Variants in RASSF6 observed in about 807,000 individuals in gnomAD.
RASSF6 encodes ras association domain-containing protein 6.
A neutral mutation model predicts 44.0 loss-of-function variants in RASSF6; 52 were observed. That is an observed-to-expected ratio of 1.18 (90% CI 0.95 to 1.49). RASSF6 has a LOEUF of 1.49. RASSF6 is among the 40% of genes most tolerant of loss of function. The pLI, the probability that RASSF6 is intolerant of heterozygous loss-of-function variation, is 0.00. For synonymous variants in RASSF6, 162 were observed against 124.6 expected (o/e 1.30, Z -2.00); for missense variants, 464 against 393.3 (o/e 1.18, Z -1.52).
intron 1 of RASSF6, chr4:73,616,077 C>T: frequency 4.1e-6 from 3 of 724,524 alleles, no homozygotes; most frequent in Non-Finnish European, 7.2e-6. Flanking sequence ...TTCACGAGTT[C>T]CTTCTCTGCA....
intron 8 of RASSF6, among the ~76,000 whole-genome samples, chr4:73,578,911 A>G (rs1723425287): frequency 1.3e-5 from 2 of 151,336 alleles, no homozygotes; most frequent in Admixed American, 1.3e-4. Context: ...CGTGCCTGAC[A>G]CCCCCCTTCT....
intron 2 of RASSF6, among the ~76,000 whole-genome samples, chr4:73,609,199 A>C (rs1361458566): frequency 6.6e-6 from 1 of 152,174 alleles, no homozygotes; most frequent in African/African-American, 2.4e-5. Flanking sequence ...CTTCTCCATT[A>C]ATTTTTTTTT....
chr4:73,616,126 C>G (rs772245739), intron 1 of RASSF6, among the ~76,000 whole-genome samples: 2 of 152,128 alleles, frequency 1.3e-5, no homozygotes, highest in Non-Finnish European at 2.9e-5. Context: ...TAGCCTGTAT[C>G]TATATCTATA....
At chr4:73,614,279 G>A (rs1578068678) in intron 1 of RASSF6, among the ~76,000 whole-genome samples, 1 of 152,196 alleles carries the variant, frequency 6.6e-6, no homozygotes, top group African/African-American at 2.4e-5. Context: ...GCCTCCCTCT[G>A]TTGTGGTCTG....
chr4:73,603,732 T>C (rs1378338876), intron 2 of RASSF6, among the ~76,000 whole-genome samples: 2 of 152,214 alleles, frequency 1.3e-5, no homozygotes, highest in African/African-American at 4.8e-5. Flanking sequence ...GAAGAAACTT[T>C]TTATTTAATT....
intron 5 of RASSF6, among the ~76,000 whole-genome samples, chr4:73,585,927 C>G (rs1039042220): frequency 2.0e-5 from 3 of 149,950 alleles, no homozygotes; most frequent in African/African-American, 7.3e-5. Flanking sequence ...TGGTGTGCTG[C>G]ACCCATTAAC....
chr4:73,572,404 T>A lies in RASSF6; in HGVS notation c.*3831A>T, dbSNP rs1722967920. The A allele has an allele frequency of 6.6e-6, 1 of 152,204 alleles. No homozygotes were observed. Among genetic ancestry groups the A allele is most frequent in the Non-Finnish European group, 1.5e-5 (1 of 68,038 alleles). 9.4% of individuals were successfully genotyped at this position (152,204 alleles called of 1,614,324 possible). On this transcript the variant is annotated 3_prime_UTR_variant, in exon 11 of 11. Coordinates refer to ENST00000307439, the MANE Select transcript of RASSF6 (RefSeq NM_177532.5). ...ATTGCTAAAAGAGTACATTTTTAAA[T>A]GTTCTCACCACAAAGAAATTATAAG...
At chr4:73,578,114 A>C (rs1723361278) in intron 8 of RASSF6, among the ~76,000 whole-genome samples, 1 of 152,212 alleles carries the variant, frequency 6.6e-6, no homozygotes, top group Non-Finnish European at 1.5e-5. Context: ...TTATAGGTGA[A>C]ATTATAAAGA....
intron 5 of RASSF6, among the ~76,000 whole-genome samples, chr4:73,586,891 G>A (rs940516630): frequency 6.7e-6 from 1 of 149,542 alleles, no homozygotes; most frequent in Non-Finnish European, 1.5e-5. Flanking sequence ...TAGCAGACGA[G>A]GCAGAATTGA....
intron 2 of RASSF6, among the ~76,000 whole-genome samples, chr4:73,610,611 T>A (rs1725941602): frequency 6.6e-6 from 1 of 152,190 alleles, no homozygotes; most frequent in South Asian, 2.1e-4. Context: ...GGAGTTGCCA[T>A]TCCCCTTGCC....
Position 73,572,074 on chromosome 4 carries a change from G to T in RASSF6, c.*4161C>A, listed in dbSNP as rs536421118. The T allele has an allele frequency of 2.0e-5, 3 of 152,258 alleles. No homozygotes were observed. In the East Asian group the frequency reaches 5.8e-4, roughly 29 times the overall value. The allele number at this position is 152,258 out of a possible 1,614,324, so 9.4% of individuals were successfully genotyped here. On this transcript the variant is annotated 3_prime_UTR_variant, in exon 11 of 11. Transcript: ENST00000307439. ...GTTTCCTTGGGTTTTCTGGCTGAAG[G>T]TCTCTCATGAAATTACGGTCAAGCT...
chr4:73,574,609 TATTA>T lies in RASSF6; in HGVS notation c.*1622_*1625del, dbSNP rs1175429797. The T allele has an allele frequency of 6.6e-6, 1 of 152,196 alleles. No individual in the cohort carries two copies. The highest frequency in any genetic ancestry group is 1.5e-5 in the Non-Finnish European group (1 of 68,032). 9.4% of individuals were successfully genotyped at this position (152,196 alleles called of 1,614,324 possible). A position where few individuals can be genotyped will look rare whatever the true frequency, so the allele number is the denominator to read the frequency against. ...TATTATTCTCCTATCATAGCTTAAT[TATTA>T]TTTATATTAAACTTTCCCTGTTTAA... is the stretch of plus-strand genomic sequence containing the variant. On this transcript the variant is annotated 3_prime_UTR_variant, in exon 11 of 11. Coordinates refer to ENST00000307439, the MANE Select transcript of RASSF6 (RefSeq NM_177532.5).
chr4:73,585,087 A>T, intron 6 of RASSF6, 93 bp downstream of exon 6: 1 of 843,774 alleles, frequency 1.2e-6, no homozygotes. Context: ...TGTTATTATT[A>T]TGACTTTAAA....
At chr4:73,592,327 G>A (rs1261984082) in intron 4 of RASSF6, among the ~76,000 whole-genome samples, 2 of 152,126 alleles carry the variant, frequency 1.3e-5, no homozygotes, top group Non-Finnish European at 2.9e-5. Context: ...AATTGTCCTG[G>A]CAGCTCTTTC....
At chr4:73,612,314 A>C (rs540695040) in intron 1 of RASSF6, among the ~76,000 whole-genome samples, 3 of 152,176 alleles carry the variant, frequency 2.0e-5, no homozygotes, top group Admixed American at 2.0e-4. Context: ...CCTCCTTTAT[A>C]TGTTCATATA....
At chr4:73,584,536 A>G (rs1420804798) in intron 6 of RASSF6, among the ~76,000 whole-genome samples, 1 of 152,206 alleles carries the variant, frequency 6.6e-6, no homozygotes, top group Non-Finnish European at 1.5e-5. Context: ...CTACACTTAT[A>G]TAAAAACGGT....
chr4:73,605,904 T>C (rs985161970), intron 2 of RASSF6, among the ~76,000 whole-genome samples: 2 of 152,226 alleles, frequency 1.3e-5, no homozygotes, highest in Admixed American at 6.5e-5. Context: ...TGTTGGCTGC[T>C]TGTATGTCTT....
chr4:73,581,305 G>A lies in RASSF6; in HGVS notation c.721+512C>T, dbSNP rs538143899. ...ATGCTCCTAGCATCCCACTTACAGC[G>A]CCTTCCCAATGTTCTGCTTCTAACC... On this transcript the variant is annotated intron_variant, in intron 8 of 10. Coordinates refer to ENST00000307439, the MANE Select transcript of RASSF6 (RefSeq NM_177532.5). 5.9e-5 allele frequency among the ~76,000 whole-genome samples: 9 copies of A among 152,038 alleles called. No homozygotes were observed. In the East Asian group the frequency reaches 1.2e-3, roughly 20 times the overall value.
intron 6 of RASSF6, among the ~76,000 whole-genome samples, chr4:73,583,680 T>A (rs1304239921): frequency 6.6e-6 from 1 of 152,184 alleles, no homozygotes; most frequent in Non-Finnish European, 1.5e-5. Context: ...TTGCAGTGAA[T>A]GACATTTGTG....
Sources: gnomAD v4.1 joint callset for allele counts (sites outside exome capture counted in the v4.1 genomes callset) on GRCh38, gnomAD v4.1.1 for gene constraint, MANE v1.5 for transcripts, NCBI Gene and HGNC (gene_info 2026-07-23, HGNC 2026-07-21) for gene names.